RGL1: variants seen among roughly 807,000 people sequenced by gnomAD.
RGL1 encodes ral guanine nucleotide dissociation stimulator-like 1.
Under a neutral mutation model 95.2 loss-of-function variants are expected in RGL1, and 24 were observed. The observed-to-expected ratio is 0.25, with a 90% confidence interval of 0.18 to 0.35. RGL1 has a LOEUF of 0.35. RGL1 is among the 10% of genes least tolerant of loss of function. The pLI, the probability that RGL1 is intolerant of heterozygous loss-of-function variation, is 1.00. For synonymous variants in RGL1, 329 were observed against 344.9 expected, an observed-to-expected ratio of 0.95 and a Z score of 0.51; for missense variants, 715 against 936.3, an observed-to-expected ratio of 0.76 and a Z score of 3.08.
At chr1:183,693,373 G>T (rs994828207) in intron 1 of RGL1, among the ~76,000 whole-genome samples, 1 of 151,988 alleles carries the variant, frequency 6.6e-6, no homozygotes, top group Non-Finnish European at 1.5e-5. Context: ...GAATGTCTTA[G>T]GTTGGTGGAA....
intron 1 of RGL1, among the ~76,000 whole-genome samples, chr1:183,689,898 G>T (rs1315507158): frequency 6.6e-6 from 1 of 152,180 alleles, no homozygotes; most frequent in South Asian, 2.1e-4. Flanking sequence ...GAGGTACATT[G>T]TATCTGCTTT....
At chr1:183,660,189 T>C (rs1651505424) in intron 1 of RGL1, among the ~76,000 whole-genome samples, 1 of 152,116 alleles carries the variant, frequency 6.6e-6, no homozygotes, top group Admixed American at 6.6e-5. Flanking sequence ...AATGACAGGA[T>C]CAAATTCACC....
rs1669006211 is a variant in RGL1, at chr1:183,916,782, C to T, written c.2004+81C>T. 2.0e-6 allele frequency: 3 copies of T among 1,468,992 alleles called. No individual in the cohort carries two copies. In the African/African-American group the frequency reaches 4.2e-5, roughly 21 times the overall value. The allele number at this position is 1,468,992 out of a possible 1,614,324, so 91.0% of individuals were successfully genotyped here. Reference sequence around the variant, plus strand: ...TCTGTCGGCCGCTCAGACTAATAGCCCTAAATATGCACACTCAATATTAGC... The same window carrying T: ...TCTGTCGGCCGCTCAGACTAATAGCTCTAAATATGCACACTCAATATTAGC... On this transcript the variant is annotated intron_variant, in intron 16 of 17. Coordinates refer to ENST00000360851, the MANE Select transcript of RGL1 (RefSeq NM_001297671.3).
intron 1 of RGL1, among the ~76,000 whole-genome samples, chr1:183,701,835 G>A (rs1654614353): frequency 6.6e-6 from 1 of 152,126 alleles, no homozygotes; most frequent in South Asian, 2.1e-4. Context: ...TACTCGGGAG[G>A]CTGAGGCAAG....
chr1:183,746,891 G>A (rs1279142008), intron 2 of RGL1, among the ~76,000 whole-genome samples: 1 of 152,064 alleles, frequency 6.6e-6, no homozygotes, highest in Non-Finnish European at 1.5e-5. Flanking sequence ...ACTTATGAGT[G>A]AGAACATGCA....
At chr1:183,739,480 T>C (rs1657153606) in intron 1 of RGL1, among the ~76,000 whole-genome samples, 1 of 152,238 alleles carries the variant, frequency 6.6e-6, no homozygotes, top group Admixed American at 6.5e-5. Context: ...ATCTTATTTT[T>C]TCATTGCCGT....
At chr1:183,784,664 C>T (rs554390025) in intron 2 of RGL1, among the ~76,000 whole-genome samples, 2 of 152,312 alleles carry the variant, frequency 1.3e-5, no homozygotes, top group South Asian at 4.1e-4. Flanking sequence ...GGGGAGGATG[C>T]AGATACTGGA....
At chr1:183,674,276 TTATA>T (rs1330402709) in intron 1 of RGL1, among the ~76,000 whole-genome samples, 1 of 152,230 alleles carries the variant, frequency 6.6e-6, no homozygotes, top group Non-Finnish European at 1.5e-5. Flanking sequence ...ATACTTTCTA[TTATA>T]TATTGATAAC....
intron 8 of RGL1, among the ~76,000 whole-genome samples, chr1:183,890,706 A>G (rs951878631): frequency 6.6e-6 from 1 of 152,216 alleles, no homozygotes; most frequent in African/African-American, 2.4e-5. Context: ...AAAGCCAGCC[A>G]CAACAGCTAC....
At chr1:183,849,740 A>C (rs1471634081) in intron 3 of RGL1, among the ~76,000 whole-genome samples, 1 of 152,038 alleles carries the variant, frequency 6.6e-6, no homozygotes, top group East Asian at 1.9e-4. Context: ...CTGCCGCCTC[A>C]GCCTCCCAAA....
At chr1:183,756,074 G>A (rs1207003319) in intron 2 of RGL1, among the ~76,000 whole-genome samples, 2 of 151,932 alleles carry the variant, frequency 1.3e-5, no homozygotes, top group South Asian at 2.1e-4. Context: ...TAGTAAAGAC[G>A]GGGTTTCACC....
chr1:183,867,622 G>GTT (rs957463843), intron 4 of RGL1, among the ~76,000 whole-genome samples: 2 of 147,506 alleles, frequency 1.4e-5, no homozygotes, highest in East Asian at 4.0e-4. Flanking sequence ...TGGAAGATGG[G>GTT]TTTTTTTTTT....
chr1:183,725,025 G>A (rs974798576), intron 1 of RGL1, among the ~76,000 whole-genome samples: 2 of 152,016 alleles, frequency 1.3e-5, no homozygotes, highest in Non-Finnish European at 2.9e-5. Flanking sequence ...AACGGACTCT[G>A]TTTCTTTGGG....
At chr1:183,649,712 C>T (rs1424875754) in intron 1 of RGL1, among the ~76,000 whole-genome samples, 1 of 152,150 alleles carries the variant, frequency 6.6e-6, no homozygotes, top group African/African-American at 2.4e-5. Context: ...TTAGTAGTTT[C>T]TGGGATGTTA....
At chr1:183,636,375 GTTTCCT>G in exon 1 of RGL1, 1 of 391,932 alleles carries the variant, frequency 2.6e-6, no homozygotes, top group East Asian at 3.6e-5. Context: ...CAGGAAGCCC[GTTTCCT>G]GGGATTGGAA....
At chr1:183,729,682 C>A (rs954388781) in intron 1 of RGL1, among the ~76,000 whole-genome samples, 1 of 152,148 alleles carries the variant, frequency 6.6e-6, no homozygotes, top group Non-Finnish European at 1.5e-5. Context: ...CACAAGTGTT[C>A]TTTCACTTTA....
At chr1:183,907,197 A>G (rs1668385547) in intron 14 of RGL1, 96 bp downstream of exon 14, 13 of 722,050 alleles carry the variant, frequency 1.8e-5, no homozygotes, top group Non-Finnish European at 3.0e-5. Flanking sequence ...CCAGGGTGAA[A>G]GTGAAGAGCA....
intron 1 of RGL1, among the ~76,000 whole-genome samples, chr1:183,643,810 T>G (rs1259514863): frequency 1.3e-5 from 2 of 152,178 alleles, no homozygotes; most frequent in Non-Finnish European, 2.9e-5. Flanking sequence ...TTCTCTTTAA[T>G]TTTTTGAGGA....
In RGL1 at chr1:183,888,647, T is replaced by G. The variant is rs529797723; in HGVS notation, c.1055+70T>G. On this transcript the variant is annotated intron_variant, in intron 8 of 17. Coordinates refer to ENST00000360851, the MANE Select transcript of RGL1 (RefSeq NM_001297671.3). ...TTAGTGGTTGTGATGAGTCCTCACC[T>G]TCAAAGCTTGTATCGCATAACTAGA... 1.1e-5 allele frequency: 10 copies of G among 917,206 alleles called. No homozygotes were observed. The African/African-American group carries it at 1.6e-4, about 15-fold the overall frequency. The allele number at this position is 917,206 out of a possible 1,614,324, so 56.8% of individuals were successfully genotyped here.
Sources: allele counts gnomAD v4.1 joint callset (sites outside exome capture counted in the v4.1 genomes callset), GRCh38; gene constraint gnomAD v4.1.1; transcripts MANE v1.5; gene names NCBI Gene and HGNC (gene_info 2026-07-23, HGNC 2026-07-21).